Variants in HS3ST3A1 observed in about 807,000 individuals in gnomAD.
HS3ST3A1 encodes heparan sulfate glucosamine 3-O-sulfotransferase 3A1.
In HS3ST3A1, 19 loss-of-function variants were observed where a neutral mutation model predicts 25.7. The observed-to-expected ratio is 0.74, with a 90% CI of 0.52 to 1.08. HS3ST3A1 has a LOEUF of 1.08. Among genes scored for constraint, HS3ST3A1 ranks in the 50% least tolerant of loss-of-function variants. The pLI is 0.00. For synonymous variants in HS3ST3A1, 226 were observed against 278.6 expected (o/e 0.81, Z 1.88); for missense variants, 459 against 594.3 (o/e 0.77, Z 2.37).
At chr17:13,563,877 G>T (rs889808120) in intron 1 of HS3ST3A1, among the ~76,000 whole-genome samples, 50 of 152,142 alleles carry the variant, frequency 3.3e-4, no homozygotes, top group African/African-American at 1.2e-3. Flanking sequence ...ACAACTTAAA[G>T]ATCACAAAAT....
At chr17:13,552,637 C>T (rs574159890) in intron 1 of HS3ST3A1, among the ~76,000 whole-genome samples, 102 of 152,260 alleles carry the variant, frequency 6.7e-4, no homozygotes, top group Non-Finnish European at 1.2e-3. Context: ...ACGTCTTTCT[C>T]CAGAACTCTG....
chr17:13,498,192 G>T (rs1905344183), intron 1 of HS3ST3A1, among the ~76,000 whole-genome samples: 1 of 152,040 alleles, frequency 6.6e-6, no homozygotes. Context: ...AAGTATTCCT[G>T]CTCCCATCTG....
At chr17:13,568,249 C>T in intron 1 of HS3ST3A1, among the ~76,000 whole-genome samples, 1 of 152,264 alleles carries the variant, frequency 6.6e-6, no homozygotes, top group East Asian at 1.9e-4. Context: ...CTTTTTTAGA[C>T]ATAATTACAT....
intron 1 of HS3ST3A1, among the ~76,000 whole-genome samples, chr17:13,524,650 T>A (rs746676624): frequency 2.2e-4 from 33 of 152,198 alleles, no homozygotes; most frequent in Non-Finnish European, 3.8e-4. Context: ...GTGGTATTTT[T>A]AAAAAATTTC....
chr17:13,579,664 G>A (rs1944919043), intron 1 of HS3ST3A1, among the ~76,000 whole-genome samples: 1 of 125,562 alleles, frequency 8.0e-6, no homozygotes, highest in South Asian at 2.5e-4. Flanking sequence ...TCACACTACT[G>A]CATTCCAGCC....
intron 1 of HS3ST3A1, among the ~76,000 whole-genome samples, chr17:13,561,015 C>T (rs978501665): frequency 1.3e-5 from 2 of 152,186 alleles, no homozygotes; most frequent in African/African-American, 4.8e-5. Flanking sequence ...TTCCATCTCC[C>T]TCATTTCTGT....
At chr17:13,556,723 G>A (rs1907386827) in intron 1 of HS3ST3A1, among the ~76,000 whole-genome samples, 1 of 151,548 alleles carries the variant, frequency 6.6e-6, no homozygotes, top group Non-Finnish European at 1.5e-5. Context: ...GTGGTGACAG[G>A]CACCTGTAGC....
chr17:13,509,586 G>A (rs1458647969), intron 1 of HS3ST3A1, among the ~76,000 whole-genome samples: 2 of 145,478 alleles, frequency 1.4e-5, no homozygotes, highest in East Asian at 1.9e-4. Flanking sequence ...ATTTGTGTGC[G>A]AGAGAGAGAC....
At chr17:13,533,370 C>G (rs1337215208) in intron 1 of HS3ST3A1, among the ~76,000 whole-genome samples, 1 of 151,572 alleles carries the variant, frequency 6.6e-6, no homozygotes, top group Non-Finnish European at 1.5e-5. Context: ...CTTGAAGAAA[C>G]AGAAAAAGGA....
intron 1 of HS3ST3A1, among the ~76,000 whole-genome samples, chr17:13,568,654 GGTTCTACT>G (rs1907731692): frequency 6.6e-6 from 1 of 152,122 alleles, no homozygotes; most frequent in Non-Finnish European, 1.5e-5. Context: ...GGGGTTTGTT[GGTTCTACT>G]GCCTCTTCCA....
At chr17:13,587,119 C>A (rs944425408) in intron 1 of HS3ST3A1, among the ~76,000 whole-genome samples, 59 of 151,900 alleles carry the variant, frequency 3.9e-4, no homozygotes, top group Non-Finnish European at 7.4e-4. Flanking sequence ...TTGGACTGTG[C>A]TGTCCTTTTG....
chr17:13,532,526 C>T (rs373248059), intron 1 of HS3ST3A1, among the ~76,000 whole-genome samples: 55 of 152,002 alleles, frequency 3.6e-4, no homozygotes, highest in Admixed American at 1.0e-3. Flanking sequence ...GAGGCAATAT[C>T]GTGAGGAAAT....
intron 1 of HS3ST3A1, among the ~76,000 whole-genome samples, chr17:13,590,506 T>G (rs1273087629): frequency 6.6e-6 from 1 of 152,230 alleles, no homozygotes; most frequent in Non-Finnish European, 1.5e-5. Context: ...CAGCTTAACC[T>G]GGGCAAAGCA....
chr17:13,534,362 C>T (rs1906702728), intron 1 of HS3ST3A1, among the ~76,000 whole-genome samples: 1 of 151,844 alleles, frequency 6.6e-6, no homozygotes, highest in Admixed American at 6.6e-5. Flanking sequence ...AGAGCAGACT[C>T]TCAACACATA....
Position 13,600,967 on chromosome 17 carries a change from C to T in HS3ST3A1, c.163G>A (p.Gly55Arg). 6.4e-7 allele frequency: 1 copy of T among 1,552,324 alleles called. No homozygotes were observed. ...RCQTLSGPVV[G>R]LSGGGEEAGA... is the part of the protein sequence containing the mutation. Reference sequence around the variant, plus strand: ...GCCTCCTCGCCGCCGCCGGACAGCCCCACGACGGGGCCGGACAGGGTCTGG... The same window carrying T: ...GCCTCCTCGCCGCCGCCGGACAGCCTCACGACGGGGCCGGACAGGGTCTGG... The change falls in exon 1 of 2, where the codon GGG becomes AGG. Residue 55 changes from glycine to arginine, a missense_variant. Physicochemically the swap from Gly to Arg is moderately radical, Grantham distance 125. Around this residue, in one of 3 missense-constraint regions of HS3ST3A1, gnomAD observed 346 missense variants for 303.9 expected, o/e 1.14. Transcript: ENST00000284110.
chr17:13,572,827 A>G (rs949832214), intron 1 of HS3ST3A1, among the ~76,000 whole-genome samples: 5 of 152,262 alleles, frequency 3.3e-5, no homozygotes, highest in African/African-American at 1.2e-4. Flanking sequence ...AACTCAAGGA[A>G]CTAGCCGTCC....
At chr17:13,501,977 C>T (rs527406796) in intron 1 of HS3ST3A1, among the ~76,000 whole-genome samples, 14 of 152,228 alleles carry the variant, frequency 9.2e-5, no homozygotes, top group African/African-American at 3.4e-4. Flanking sequence ...GAGAGATGGG[C>T]TCGGTTTTTA....
chr17:13,501,313 TA>T (rs1240487727), intron 1 of HS3ST3A1, among the ~76,000 whole-genome samples: 2 of 150,998 alleles, frequency 1.3e-5, no homozygotes, highest in Admixed American at 6.6e-5. Flanking sequence ...TGTATGTACT[TA>T]ACACCACTGA....
At chr17:13,526,152 C>T (rs547566596) in intron 1 of HS3ST3A1, among the ~76,000 whole-genome samples, 21 of 152,006 alleles carry the variant, frequency 1.4e-4, no homozygotes, top group African/African-American at 4.1e-4. Context: ...CCCTGCAGTG[C>T]GCCCTCCCTG....
Sources: gnomAD v4.1 joint callset for allele counts (sites outside exome capture counted in the v4.1 genomes callset) on GRCh38, gnomAD v4.1.1 for gene constraint, gnomAD v4.1.1 regional missense constraint, MANE v1.5 for transcripts, NCBI Gene and HGNC (gene_info 2026-07-23, HGNC 2026-07-21) for gene names.